The following MINDY4 variants were observed in gnomAD, a reference collection of about 807,000 sequenced individuals.
MINDY4 encodes the protein MINDY lysine 48 deubiquitinase 4, also known as probable ubiquitin carboxyl-terminal hydrolase MINDY-4.
A neutral mutation model predicts 87.0 loss-of-function variants in MINDY4; 68 were observed. The observed-to-expected ratio is 0.78, with a 90% confidence interval of 0.64 to 0.96. MINDY4 has a LOEUF of 0.96. Among genes scored for constraint, MINDY4 ranks in the 40% least tolerant of loss-of-function variants. MINDY4 has a pLI of 0.00. For synonymous variants in MINDY4, 379 were observed against 363.2 expected (o/e 1.04, Z -0.50); for missense variants, 919 against 928.2 (o/e 0.99, Z 0.13).
At chr7:30,818,639 A>C (rs1424773172) in intron 5 of MINDY4, among the ~76,000 whole-genome samples, 1 of 152,060 alleles carries the variant, frequency 6.6e-6, no homozygotes, top group Non-Finnish European at 1.5e-5. Flanking sequence ...GTCCGAGTGT[A>C]CTCTATTTGG....
chr7:30,837,956 C>T (rs1788910964), intron 7 of MINDY4, among the ~76,000 whole-genome samples: 1 of 152,160 alleles, frequency 6.6e-6, no homozygotes, highest in South Asian at 2.1e-4. Flanking sequence ...GAGATTTTTC[C>T]TTATATTTAA....
Position 30,786,089 on chromosome 7 carries a change from C to A in MINDY4, c.663+97C>A. On this transcript the variant is annotated intron_variant, in intron 4 of 17. Coordinates refer to ENST00000265299, the MANE Select transcript of MINDY4 (RefSeq NM_032222.3). Reference sequence around the variant, plus strand: ...GGTTTATTTGGGGTACCCCACAGGGCAGTCCGAGAAGAGGGTCTGTGTGTG... The same window carrying A: ...GGTTTATTTGGGGTACCCCACAGGGAAGTCCGAGAAGAGGGTCTGTGTGTG... The A allele has an allele frequency of 3.3e-6, 5 of 1,501,456 alleles. No homozygotes were observed. In the South Asian group the frequency reaches 6.4e-5, roughly 19 times the overall value. The allele number at this position is 1,501,456 out of a possible 1,614,324, so 93.0% of individuals were successfully genotyped here. A position where few individuals can be genotyped will look rare whatever the true frequency, so the allele number is the denominator to read the frequency against.
intron 15 of MINDY4, among the ~76,000 whole-genome samples, chr7:30,879,505 C>G (rs1168765663): frequency 1.3e-5 from 2 of 152,238 alleles, no homozygotes; most frequent in Non-Finnish European, 2.9e-5. Flanking sequence ...CTCACCACCC[C>G]CAATGCCCTG....
chr7:30,783,111 C>T (rs1787053336), intron 3 of MINDY4, among the ~76,000 whole-genome samples: 1 of 152,190 alleles, frequency 6.6e-6, no homozygotes, highest in Admixed American at 6.5e-5. Context: ...AAATCAGTCT[C>T]ACTAGACTAA....
At chr7:30,808,115 C>T (rs576959774) in intron 5 of MINDY4, among the ~76,000 whole-genome samples, 2 of 152,288 alleles carry the variant, frequency 1.3e-5, no homozygotes, top group East Asian at 1.9e-4. Context: ...ATCCTGAGAG[C>T]GCTCCCGGGT....
intron 3 of MINDY4, 148 bp downstream of exon 3, chr7:30,782,360 G>C: frequency 1.5e-6 from 1 of 662,420 alleles, no homozygotes; most frequent in Non-Finnish European, 2.6e-6. Context: ...GTGTGTGTGT[G>C]TGTGTGTGTG....
chr7:30,861,502 C>G (rs1240143186), intron 13 of MINDY4, among the ~76,000 whole-genome samples: 2 of 152,232 alleles, frequency 1.3e-5, no homozygotes, highest in Non-Finnish European at 2.9e-5. Flanking sequence ...TGGGCCCCAC[C>G]CAGGCCATCT....
intron 5 of MINDY4, among the ~76,000 whole-genome samples, chr7:30,827,703 T>C (rs1159613033): frequency 6.6e-6 from 1 of 152,174 alleles, no homozygotes; most frequent in Non-Finnish European, 1.5e-5. Flanking sequence ...GAAAGAAACC[T>C]GGAGTCTGAA....
chr7:30,879,420 G>C (rs1790390083), intron 15 of MINDY4, among the ~76,000 whole-genome samples: 1 of 152,216 alleles, frequency 6.6e-6, no homozygotes, highest in Non-Finnish European at 1.5e-5. Flanking sequence ...AATGTCTGCT[G>C]TCTGAGCCAT....
chr7:30,823,801 A>G (rs1788414972), intron 5 of MINDY4, among the ~76,000 whole-genome samples: 1 of 152,140 alleles, frequency 6.6e-6, no homozygotes, highest in Non-Finnish European at 1.5e-5. Flanking sequence ...TGTTTTGAGC[A>G]TATTTTAGTA....
At chr7:30,879,222 C>G (rs1790383158) in intron 15 of MINDY4, among the ~76,000 whole-genome samples, 1 of 152,170 alleles carries the variant, frequency 6.6e-6, no homozygotes, top group South Asian at 2.1e-4. Flanking sequence ...AATGAGGTCA[C>G]TAGGGTGGGT....
chr7:30,838,124 C>T (rs1319333198), intron 7 of MINDY4, among the ~76,000 whole-genome samples: 2 of 152,062 alleles, frequency 1.3e-5, no homozygotes, highest in Non-Finnish European at 2.9e-5. Context: ...AAAACCATGG[C>T]AGAGAGAGGG....
At chr7:30,795,737 G>A (rs946317215) in intron 5 of MINDY4, among the ~76,000 whole-genome samples, 1 of 152,176 alleles carries the variant, frequency 6.6e-6, no homozygotes, top group African/African-American at 2.4e-5. Flanking sequence ...TCCTTCTGGA[G>A]CCTCTAGGGG....
intron 1 of MINDY4, among the ~76,000 whole-genome samples, chr7:30,776,161 G>A (rs185899462): frequency 1.3e-5 from 2 of 152,308 alleles, no homozygotes; most frequent in East Asian, 3.9e-4. Flanking sequence ...TAGCAGCCAA[G>A]TGATCTTTCA....
At chr7:30,874,691 CT>C (rs772394468) in intron 14 of MINDY4, among the ~76,000 whole-genome samples, 42 of 152,216 alleles carry the variant, frequency 2.8e-4, no homozygotes, top group Admixed American at 2.4e-3. Flanking sequence ...AGAACTCATA[CT>C]TGGGCTTCCT....
chr7:30,891,435 G>A (rs184008636), intron 17 of MINDY4, among the ~76,000 whole-genome samples: 8 of 152,138 alleles, frequency 5.3e-5, no homozygotes, highest in South Asian at 2.1e-4. Context: ...AAAAACTGTC[G>A]TGTTACTGCA....
chr7:30,810,250 A>G (rs997522921), intron 5 of MINDY4, among the ~76,000 whole-genome samples: 4 of 151,364 alleles, frequency 2.6e-5, no homozygotes, highest in African/African-American at 9.7e-5. Flanking sequence ...GTTGTCTGCG[A>G]AAGTCGTGAA....
chr7:30,796,678 CT>C (rs960217611), intron 5 of MINDY4: 41 of 152,246 alleles, frequency 2.7e-4, no homozygotes, highest in African/African-American at 9.1e-4. Context: ...CTCACTTGAG[CT>C]TTTGCAGGTG....
intron 11 of MINDY4, among the ~76,000 whole-genome samples, chr7:30,852,531 CTG>C (rs1789444863): frequency 6.9e-6 from 1 of 144,812 alleles, no homozygotes; most frequent in African/African-American, 2.6e-5. Flanking sequence ...GAGCTGAAGT[CTG>C]TATGGAATGC....
Sources: allele counts gnomAD v4.1 joint callset (sites outside exome capture counted in the v4.1 genomes callset), GRCh38; gene constraint gnomAD v4.1.1; transcripts MANE v1.5; gene names NCBI Gene and HGNC (gene_info 2026-07-23, HGNC 2026-07-21).